The following COL24A1 variants were observed in gnomAD, a reference collection of about 807,000 sequenced individuals.
COL24A1 encodes collagen type XXIV alpha 1 chain.
In COL24A1, 224 loss-of-function variants were observed where a neutral mutation model predicts 253.9. The ratio of observed to expected loss-of-function variants is 0.88; its 90% CI spans 0.79 to 0.99. COL24A1 has a LOEUF of 0.99. Among genes scored for constraint, COL24A1 ranks in the 50% least tolerant of loss-of-function variants. The pLI is 0.00. For missense variants in COL24A1, 2,131 were observed against 2,068.5 expected, an observed-to-expected ratio of 1.03 and a Z score of -0.59; for synonymous variants, 685 against 673.7, an observed-to-expected ratio of 1.02 and a Z score of -0.26.
intron 7 of COL24A1, among the ~76,000 whole-genome samples, chr1:86,076,893 G>C (rs565623628): frequency 3.6e-4 from 55 of 152,282 alleles, no homozygotes; most frequent in Non-Finnish European, 5.6e-4. Context: ...AAAAGTCCTA[G>C]AAGAAAGCCT....
chr1:85,754,835 C>T (rs1369400430), intron 55 of COL24A1, among the ~76,000 whole-genome samples: 2 of 151,908 alleles, frequency 1.3e-5, no homozygotes, highest in Non-Finnish European at 2.9e-5. Flanking sequence ...ATCTGTAGGA[C>T]ACTGTCAAGC....
intron 7 of COL24A1, among the ~76,000 whole-genome samples, chr1:86,073,204 A>C (rs1243430770): frequency 6.6e-6 from 1 of 152,210 alleles, no homozygotes; most frequent in African/African-American, 2.4e-5. Flanking sequence ...TTCTAACCTA[A>C]TGCAAGGAAG....
chr1:85,766,368 C>CAAAAAAAAAAAAAAAAAAAAAAAAAAAA (rs1319642983), intron 53 of COL24A1, among the ~76,000 whole-genome samples: 1 of 66,294 alleles, frequency 1.5e-5, no homozygotes, highest in Admixed American at 2.2e-4. Context: ...GACTCTGTCT[C>CAAAAAAAAAAAAAAAAAAAAAAAAAAAA]AAAAAAAAAA....
At chr1:85,793,919 A>G (rs934902332) in intron 47 of COL24A1, among the ~76,000 whole-genome samples, 2 of 135,690 alleles carry the variant, frequency 1.5e-5, no homozygotes, top group Non-Finnish European at 3.4e-5. Context: ...CCTCCCTAAT[A>G]AAAACAAAAA....
intron 55 of COL24A1, among the ~76,000 whole-genome samples, chr1:85,748,042 T>C (rs1665454946): frequency 6.6e-6 from 1 of 152,238 alleles, no homozygotes; most frequent in Non-Finnish European, 1.5e-5. Flanking sequence ...AAACATAATG[T>C]TACTTATCAG....
rs546744716 is a variant in COL24A1 at position 85,911,573 on chromosome 1, T to C, written c.2563-140A>G. On this transcript the variant is annotated intron_variant, in intron 24 of 59. Transcript: ENST00000370571. The stretch of plus-strand genomic sequence containing the variant: ...TCTTGGAGTAAAATTCCTCCTTGTA[T>C]AGCTATGCAGTCTGTGACTTCATAT... 153 of 736,104 alleles carry C rather than the reference T, an allele frequency of 2.1e-4. No individual in the cohort carries two copies. In the African/African-American group the frequency reaches 2.5e-3, roughly 12 times the overall value. The allele number at this position is 736,104 out of a possible 1,614,324, so 45.6% of individuals were successfully genotyped here.
chr1:85,829,543 G>A (rs369459701), intron 43 of COL24A1, among the ~76,000 whole-genome samples: 72 of 151,904 alleles, frequency 4.7e-4, no homozygotes, highest in Admixed American at 7.2e-4. Context: ...CATTCTCCCC[G>A]TCACTTTCAG....
At chr1:85,923,386 C>A (rs1019752809) in intron 24 of COL24A1, among the ~76,000 whole-genome samples, 3 of 152,174 alleles carry the variant, frequency 2.0e-5, no homozygotes, top group African/African-American at 7.2e-5. Context: ...AGCAACACAT[C>A]ACACTTATTC....
intron 47 of COL24A1, among the ~76,000 whole-genome samples, chr1:85,789,096 G>A (rs543719231): frequency 2.0e-5 from 3 of 152,218 alleles, no homozygotes; most frequent in Admixed American, 2.0e-4. Context: ...CTAATTCTGT[G>A]AAGAATGTCA....
chr1:85,874,448 G>T (rs567817334), intron 35 of COL24A1, among the ~76,000 whole-genome samples: 6 of 152,214 alleles, frequency 3.9e-5, no homozygotes, highest in Admixed American at 1.3e-4. Flanking sequence ...GACATATGAG[G>T]TTAAGACTGT....
At chr1:86,150,543 A>G (rs929458657) in intron 1 of COL24A1, among the ~76,000 whole-genome samples, 1 of 152,176 alleles carries the variant, frequency 6.6e-6, no homozygotes, top group African/African-American at 2.4e-5. Context: ...TAAATCTGCT[A>G]TGGTAGCATA....
At chr1:85,897,936 A>T (rs1683910894) in intron 28 of COL24A1, among the ~76,000 whole-genome samples, 1 of 152,228 alleles carries the variant, frequency 6.6e-6, no homozygotes, top group African/African-American at 2.4e-5. Flanking sequence ...TATTTTTAGC[A>T]GCTGGAGGTC....
chr1:85,798,937 T>C (rs546687751), intron 47 of COL24A1, among the ~76,000 whole-genome samples: 185 of 152,306 alleles, frequency 1.2e-3, no homozygotes, highest in African/African-American at 4.2e-3. Context: ...GGATTTATGA[T>C]ATTTGCAAGG....
At chr1:85,895,042 G>A (rs894457051) in intron 31 of COL24A1, among the ~76,000 whole-genome samples, 4 of 151,922 alleles carry the variant, frequency 2.6e-5, no homozygotes, top group Non-Finnish European at 4.4e-5. Context: ...AAATCAAAAT[G>A]TCATCATTAA....
At chr1:86,056,593 C>T (rs975955470) in intron 10 of COL24A1, among the ~76,000 whole-genome samples, 1 of 152,032 alleles carries the variant, frequency 6.6e-6, no homozygotes, top group African/African-American at 2.4e-5. Context: ...TGGTGGCTCA[C>T]TCCTGTAATC....
intron 37 of COL24A1, among the ~76,000 whole-genome samples, chr1:85,863,947 T>C (rs998056982): frequency 2.6e-5 from 4 of 152,188 alleles, no homozygotes; most frequent in African/African-American, 9.6e-5. Flanking sequence ...TTTTACACTG[T>C]TGGTGGGACT....
chr1:86,092,417 T>TAAAACCAG, intron 5 of COL24A1, 97 bp from the exon 6 acceptor site: 1 of 806,268 alleles, frequency 1.2e-6, no homozygotes, highest in Non-Finnish European at 2.0e-6. Flanking sequence ...ATATACATTA[T>TAAAACCAG]ATGGTGTTAA....
At chr1:85,858,347 T>C (rs1678690560) in intron 37 of COL24A1, among the ~76,000 whole-genome samples, 1 of 152,236 alleles carries the variant, frequency 6.6e-6, no homozygotes, top group East Asian at 1.9e-4. Context: ...TCTGACATCA[T>C]GTTTTCCAAT....
chr1:85,894,948 C>T (rs1011415972), intron 31 of COL24A1, among the ~76,000 whole-genome samples: 2 of 152,080 alleles, frequency 1.3e-5, no homozygotes, highest in Non-Finnish European at 2.9e-5. Flanking sequence ...CATTTTTATT[C>T]TATCCTTTTC....
Sources: gnomAD v4.1 joint callset for allele counts (sites outside exome capture counted in the v4.1 genomes callset) on GRCh38, gnomAD v4.1.1 for gene constraint, MANE v1.5 for transcripts, NCBI Gene and HGNC (gene_info 2026-07-23, HGNC 2026-07-21) for gene names.